Variants in MARCHF6 observed in about 807,000 individuals in gnomAD.
MARCHF6 encodes E3 ubiquitin-protein ligase MARCHF6.
In MARCHF6, 31 loss-of-function variants were observed where a neutral mutation model predicts 133.7. The ratio of observed to expected loss-of-function variants is 0.23; its 90% CI spans 0.17 to 0.31. The LOEUF (loss-of-function observed/expected upper bound fraction) is 0.31, where lower values mean the gene tolerates loss of function less well. Ranked by LOEUF, MARCHF6 falls within the 10% of genes least tolerant of loss-of-function variation. The pLI, the probability that MARCHF6 is intolerant of heterozygous loss-of-function variation, is 1.00. For missense variants in MARCHF6, 723 were observed against 1,121.6 expected (o/e 0.64, Z 5.08); for synonymous variants, 395 against 402.5 (o/e 0.98, Z 0.22).
chr5:10,358,816 CAT>C (rs1467684465), intron 1 of MARCHF6, among the ~76,000 whole-genome samples: 1 of 152,156 alleles, frequency 6.6e-6, no homozygotes, highest in Non-Finnish European at 1.5e-5. Flanking sequence ...TACTCACTAT[CAT>C]AAAATATATA....
chr5:10,358,132 G>A (rs1319336046), intron 1 of MARCHF6, among the ~76,000 whole-genome samples: 1 of 152,138 alleles, frequency 6.6e-6, no homozygotes, highest in Non-Finnish European at 1.5e-5. Flanking sequence ...GATACTCTGG[G>A]CAGAGCATTC....
intron 22 of MARCHF6, among the ~76,000 whole-genome samples, chr5:10,420,089 A>C (rs1739752988): frequency 6.6e-6 from 1 of 151,956 alleles, no homozygotes; most frequent in Non-Finnish European, 1.5e-5. Context: ...TGTTGACTGG[A>C]GCTCCTATAT....
chr5:10,415,701 A>G (rs761635101), intron 21 of MARCHF6, 32 bp downstream of exon 21: 75 of 1,513,824 alleles, frequency 5.0e-5, no homozygotes, highest in Non-Finnish European at 5.4e-6. Flanking sequence ...CTGATCTTGT[A>G]TGTTAGGAAT....
chr5:10,405,243 T>C (rs1051419587), intron 15 of MARCHF6, among the ~76,000 whole-genome samples: 1 of 152,172 alleles, frequency 6.6e-6, no homozygotes, highest in Non-Finnish European at 1.5e-5. Flanking sequence ...CATAACCCTT[T>C]TACGATAGTA....
intron 7 of MARCHF6, among the ~76,000 whole-genome samples, chr5:10,393,565 A>G (rs1738003105): frequency 6.6e-6 from 1 of 152,184 alleles, no homozygotes; most frequent in Non-Finnish European, 1.5e-5. Flanking sequence ...TCTTGATCTA[A>G]TACAGTAGCT....
intron 22 of MARCHF6, among the ~76,000 whole-genome samples, chr5:10,421,082 G>C (rs1255983358): frequency 3.3e-5 from 5 of 152,050 alleles, no homozygotes. Context: ...TGTATTTTTG[G>C]TGGTCTTTAC....
intron 25 of MARCHF6, 28 bp downstream of exon 25, chr5:10,430,056 G>GT: frequency 1.3e-6 from 2 of 1,589,138 alleles, no homozygotes; most frequent in Non-Finnish European, 1.7e-6. Flanking sequence ...TTCGTCTCTT[G>GT]TTTAAGTGTT....
chr5:10,421,164 C>G (rs946741269), intron 22 of MARCHF6, among the ~76,000 whole-genome samples: 8 of 152,114 alleles, frequency 5.3e-5, no homozygotes, highest in Non-Finnish European at 1.5e-5. Context: ...TTTAAAAATG[C>G]TTATATATTA....
rs1740767889 is a variant in MARCHF6 at position 10,439,334 on chromosome 5, G to A, written c.*5650G>A. On this transcript the variant is annotated 3_prime_UTR_variant, in exon 26 of 26. Transcript: ENST00000274140. ...AAATGGATTATAGTTCCCCAAAACT[G>A]TATAATTTCTAGAAGACAACAAGGA... is the stretch of plus-strand genomic sequence containing the variant. The A allele has an allele frequency of 6.6e-6, 1 of 152,220 alleles. No homozygotes were observed. Among genetic ancestry groups the A allele is most frequent in the African/African-American group, 2.4e-5 (1 of 41,466 alleles). The allele number at this position is 152,220 out of a possible 1,614,324, so 9.4% of individuals were successfully genotyped here.
rs533993397 is a variant in MARCHF6, at chr5:10,434,086, G to A, written c.*402G>A. The A allele has an allele frequency of 3.1e-4, 56 of 181,754 alleles. No individual in the cohort carries two copies. Among genetic ancestry groups the A allele is most frequent in the Non-Finnish European group, 4.3e-4 (37 of 85,452 alleles). The allele number at this position is 181,754 out of a possible 1,614,324, so 11.3% of individuals were successfully genotyped here. On this transcript the variant is annotated 3_prime_UTR_variant, in exon 26 of 26. Coordinates refer to ENST00000274140, the MANE Select transcript of MARCHF6 (RefSeq NM_005885.4). ...ACTTTTCAGTGACGCCTTGTGGAAC[G>A]CAGTTCATGATGTCCTAGCAGCTCT...
chr5:10,362,163 C>G (rs978579818), intron 1 of MARCHF6, among the ~76,000 whole-genome samples: 2 of 152,214 alleles, frequency 1.3e-5, no homozygotes, highest in African/African-American at 4.8e-5. Context: ...AATTTACACA[C>G]AAATTTACCC....
At position 10,426,504 on chromosome 5, in the gene MARCHF6, G is replaced by A; in HGVS notation, c.2488G>A (p.Gly830Ser). 1 of 1,613,914 alleles carries A rather than the reference G, an allele frequency of 6.2e-7. No homozygotes were observed. Among genetic ancestry groups the A allele is most frequent in the Non-Finnish European group, 8.5e-7 (1 of 1,179,950 alleles). ...GTGTGTACCTTATGTCATAGCTTCT[G>A]GTGTTGTTCCTTTACTAGGTACGTA... ...SLCVPYVIASGVVPLLGVTAE... is the reference protein window; with the variant it reads ...SLCVPYVIASSVVPLLGVTAE... Residue 830 changes from glycine to serine, a missense_variant, in exon 24 of 26, where the codon GGT (glycine) becomes AGT (serine). By Grantham distance (56) the Gly-to-Ser change is moderately conservative. This residue lies in a region of MARCHF6 where 492 missense variants were observed against 699.5 expected (regional missense o/e 0.70). Coordinates refer to ENST00000274140, the MANE Select transcript of MARCHF6 (RefSeq NM_005885.4).
At chr5:10,369,023 T>G (rs1444772538) in intron 1 of MARCHF6, among the ~76,000 whole-genome samples, 1 of 152,098 alleles carries the variant, frequency 6.6e-6, no homozygotes, top group Non-Finnish European at 1.5e-5. Context: ...CTGTAGTCAC[T>G]GGGGAGCCCA....
intron 4 of MARCHF6, among the ~76,000 whole-genome samples, chr5:10,385,421 G>T (rs1004737716): frequency 1.3e-5 from 2 of 152,092 alleles, no homozygotes; most frequent in East Asian, 3.8e-4. Flanking sequence ...TCAAACAAAG[G>T]CAGGAAAGAA....
At chr5:10,360,591 T>C (rs1735764720) in intron 1 of MARCHF6, among the ~76,000 whole-genome samples, 1 of 152,226 alleles carries the variant, frequency 6.6e-6, no homozygotes, top group African/African-American at 2.4e-5. Flanking sequence ...ACCTGTGGAC[T>C]TCCTGAAACC....
intron 7 of MARCHF6, among the ~76,000 whole-genome samples, chr5:10,392,521 A>T (rs1737923147): frequency 6.6e-6 from 1 of 152,166 alleles, no homozygotes; most frequent in Non-Finnish European, 1.5e-5. Context: ...CCAAGACAGG[A>T]GATGGGTAGA....
At chr5:10,403,915 A>G (rs1738706840) in intron 15 of MARCHF6, among the ~76,000 whole-genome samples, 1 of 152,324 alleles carries the variant, frequency 6.6e-6, no homozygotes, top group South Asian at 2.1e-4. Flanking sequence ...GGAAATAACC[A>G]AAAGGATATG....
chr5:10,364,515 G>A (rs931648741), intron 1 of MARCHF6, among the ~76,000 whole-genome samples: 7 of 152,106 alleles, frequency 4.6e-5, no homozygotes, highest in Admixed American at 4.6e-4. Flanking sequence ...ACTGCCCCTA[G>A]CCAAAAGAAA....
chr5:10,415,480 A>G lies in MARCHF6; in HGVS notation c.1967-8A>G, dbSNP rs148272954. On this transcript the variant is annotated splice_polypyrimidine_tract_variant and splice_region_variant and intron_variant, in intron 20 of 25. Transcript: ENST00000274140. ...ACATGTCTCATTTATCAGCTTTTCT[A>G]TTTTCAGTATTTGCTGGCCGTTGGT... 9 of 1,603,950 alleles carry G rather than the reference A, an allele frequency of 5.6e-6. No homozygotes were observed. Among genetic ancestry groups the G allele is most frequent in the African/African-American group, 2.7e-5 (2 of 74,778 alleles).
Sources: allele counts gnomAD v4.1 joint callset (sites outside exome capture counted in the v4.1 genomes callset), GRCh38; gene constraint gnomAD v4.1.1; regional missense constraint gnomAD v4.1.1; transcripts MANE v1.5; gene names NCBI Gene and HGNC (gene_info 2026-07-23, HGNC 2026-07-21).